The following PIK3C2A variants were observed in gnomAD, a reference collection of about 807,000 sequenced individuals.
PIK3C2A encodes phosphatidylinositol-4-phosphate 3-kinase catalytic subunit type 2 alpha, also known as phosphatidylinositol 4-phosphate 3-kinase C2 domain-containing subunit alpha.
In PIK3C2A, 97 loss-of-function variants were observed where a neutral mutation model predicts 204.5. That is an observed-to-expected ratio of 0.47 (90% CI 0.40 to 0.56). The LOEUF is 0.56. Ranked by LOEUF, PIK3C2A falls within the 20% of genes least tolerant of loss-of-function variation. PIK3C2A has a pLI of 0.00. For synonymous variants in PIK3C2A, 653 were observed against 664.4 expected, an observed-to-expected ratio of 0.98 and a Z score of 0.26; for missense variants, 1,735 against 1,969.2, an observed-to-expected ratio of 0.88 and a Z score of 2.25.
In PIK3C2A at chr11:17,119,368, G is replaced by GT. The variant is rs1285290428; in HGVS notation, c.2847-56dup. 8 of 1,045,606 alleles carry GT rather than the reference G, an allele frequency of 7.7e-6. No individual in the cohort carries two copies. In the African/African-American group the frequency reaches 1.3e-4, roughly 16 times the overall value. The allele number at this position is 1,045,606 out of a possible 1,614,324, so 64.8% of individuals were successfully genotyped here. The stretch of plus-strand genomic sequence containing the variant: ...ACAGTGATTTCTTTCCAGTGAAGCT[G>GT]TATTTTTTGAAAACACAATCTCAAT... On this transcript the variant is annotated intron_variant, in intron 16 of 32. Transcript: ENST00000691414.
At chr11:17,165,383 T>C (rs57522946) in intron 2 of PIK3C2A, among the ~76,000 whole-genome samples, 151 of 152,264 alleles carry the variant, frequency 9.9e-4, no homozygotes, top group African/African-American at 3.1e-3. Flanking sequence ...CTGTGACATA[T>C]AACTAAATTT....
chr11:17,131,889 G>T, intron 12 of PIK3C2A, 27 bp downstream of exon 12: 1 of 1,589,356 alleles, frequency 6.3e-7, no homozygotes, highest in Non-Finnish European at 8.6e-7. Context: ...CACACTGAAA[G>T]AATAAAAAGC....
At chr11:17,142,797 C>T (rs914665295) in intron 8 of PIK3C2A, among the ~76,000 whole-genome samples, 6 of 152,032 alleles carry the variant, frequency 3.9e-5, no homozygotes, top group Non-Finnish European at 7.4e-5. Context: ...CCTTGATGAC[C>T]TTAATAAGTA....
rs1849238596 is a variant in PIK3C2A, at chr11:17,117,594, C to T, written c.3113G>A (p.Gly1038Glu). 1 of 1,613,334 alleles carries T rather than the reference C, an allele frequency of 6.2e-7. No individual in the cohort carries two copies. The highest frequency in any genetic ancestry group is 8.5e-7 in the Non-Finnish European group (1 of 1,179,346). Residue 1038 changes from glycine (G) to glutamate (E), a missense_variant, in exon 19 of 33, where the codon GGA (glycine) becomes GAA (glutamate). Transcript: ENST00000691414. ...EHVLGALLSVGGKRLREELLK... is the reference protein window; with the variant it reads ...EHVLGALLSVEGKRLREELLK... ...AAGTTCTTCTCTAAGTCGTTTTCCT[C>T]CTACTGACAGGAGAGCACCCAAAAC...
intron 2 of PIK3C2A, among the ~76,000 whole-genome samples, chr11:17,165,726 G>C (rs1184976176): frequency 1.5e-5 from 2 of 133,674 alleles, no homozygotes; most frequent in Non-Finnish European, 3.1e-5. Context: ...GGTGAGCTGA[G>C]ATCACGCAAT....
chr11:17,151,628 A>C (rs1850429682), intron 3 of PIK3C2A, among the ~76,000 whole-genome samples: 1 of 152,164 alleles, frequency 6.6e-6, no homozygotes, highest in African/African-American at 2.4e-5. Flanking sequence ...CAAGTTATTA[A>C]ATTTCCTTGT....
chr11:17,138,113 G>GT, intron 8 of PIK3C2A: 2 of 747,594 alleles, frequency 2.7e-6, no homozygotes, highest in African/African-American at 1.7e-5. Flanking sequence ...CTGCTGACAT[G>GT]TTTTTTGTTT....
chr11:17,195,056 C>T (rs1230766246), intron 1 of PIK3C2A, among the ~76,000 whole-genome samples: 1 of 152,088 alleles, frequency 6.6e-6, no homozygotes, highest in Non-Finnish European at 1.5e-5. Flanking sequence ...AATGAAACTT[C>T]CTCATTCGAA....
chr11:17,193,992 G>C (rs536655114), intron 1 of PIK3C2A: 199 of 364,818 alleles, frequency 5.5e-4, no homozygotes, highest in African/African-American at 4.0e-3. Flanking sequence ...GCATTGCCAA[G>C]AAGCAAAACA....
Position 17,105,167 on chromosome 11 carries a change from A to T in PIK3C2A, c.3681+2T>A, listed in dbSNP as rs1848768433. 1 of 1,609,376 alleles carries T rather than the reference A, an allele frequency of 6.2e-7. No individual in the cohort carries two copies. The highest frequency in any genetic ancestry group is 8.5e-7 in the Non-Finnish European group (1 of 1,175,992). On this transcript the variant is annotated splice_donor_variant, in intron 23 of 32. Coordinates refer to ENST00000691414, the MANE Select transcript of PIK3C2A (RefSeq NM_002645.4). LOFTEE classifies it high-confidence loss of function. ...TTTAGAATGAGGAGACATGCTAATTACCTTTTCATATTCTTCTTCAGAGGG... is the reference window on the plus strand; with the variant it reads ...TTTAGAATGAGGAGACATGCTAATTTCCTTTTCATATTCTTCTTCAGAGGG...
chr11:17,145,271 C>T (rs1403072517), intron 8 of PIK3C2A, among the ~76,000 whole-genome samples: 2 of 152,106 alleles, frequency 1.3e-5, no homozygotes, highest in African/African-American at 2.4e-5. Context: ...ATGTCCCCCC[C>T]AAATCTCACC....
At chr11:17,104,602 G>A (rs1296785199) in intron 23 of PIK3C2A, among the ~76,000 whole-genome samples, 9 of 151,748 alleles carry the variant, frequency 5.9e-5, no homozygotes, top group African/African-American at 1.5e-4. Context: ...GTGGGCGCCT[G>A]TAGCCCCAGC....
intron 18 of PIK3C2A, 66 bp downstream of exon 18, chr11:17,118,579 C>A: frequency 1.3e-6 from 1 of 746,344 alleles, no homozygotes; most frequent in Non-Finnish European, 2.4e-6. Flanking sequence ...TTTAGACTTA[C>A]AGGGTATGCC....
intron 19 of PIK3C2A, among the ~76,000 whole-genome samples, chr11:17,115,220 A>G (rs1448326021): frequency 4.6e-5 from 7 of 152,022 alleles, no homozygotes; most frequent in Non-Finnish European, 1.0e-4. Context: ...TTCAAAACTT[A>G]CTATAAAACT....
At chr11:17,108,292 G>A (rs954183960) in intron 22 of PIK3C2A, among the ~76,000 whole-genome samples, 5 of 152,160 alleles carry the variant, frequency 3.3e-5, no homozygotes, top group Non-Finnish European at 5.9e-5. Flanking sequence ...CCTACACATG[G>A]TTCTAAGACA....
chr11:17,136,184 T>C (rs1464078178), intron 9 of PIK3C2A, among the ~76,000 whole-genome samples: 1 of 152,128 alleles, frequency 6.6e-6, no homozygotes, highest in Non-Finnish European at 1.5e-5. Context: ...GTCCTCCAGG[T>C]CTTCTAAGCT....
At chr11:17,195,642 C>CT (rs2137566010) in intron 1 of PIK3C2A, among the ~76,000 whole-genome samples, 1 of 151,848 alleles carries the variant, frequency 6.6e-6, no homozygotes, top group African/African-American at 2.4e-5. Context: ...ACTTAGGAGA[C>CT]TGAGGCAGGA....
intron 6 of PIK3C2A, among the ~76,000 whole-genome samples, chr11:17,146,663 G>A (rs569422092): frequency 4.6e-5 from 7 of 151,716 alleles, no homozygotes; most frequent in Non-Finnish European, 1.0e-4. Flanking sequence ...AGAGGTTGCA[G>A]TGAGCTAAGA....
Position 17,116,909 on chromosome 11 carries a change from T to C in PIK3C2A, c.3216+582A>G, listed in dbSNP as rs571295883. ...TGGCCAGCAGTATTATTATTAATAG[T>C]CAAAAAGTGGAAACAACCCAAATGT... On this transcript the variant is annotated intron_variant, in intron 19 of 32. Transcript: ENST00000691414. Among the ~76,000 whole-genome samples, 121 of 152,208 alleles carry C rather than the reference T, an allele frequency of 7.9e-4. 4 individuals are homozygous for C. In the South Asian group the frequency reaches 0.024, roughly 30 times the overall value.
Sources: allele counts gnomAD v4.1 joint callset (sites outside exome capture counted in the v4.1 genomes callset), GRCh38; gene constraint gnomAD v4.1.1; transcripts MANE v1.5; gene names NCBI Gene and HGNC (gene_info 2026-07-23, HGNC 2026-07-21).